Variants in CNTNAP5 observed in about 807,000 individuals in gnomAD.
CNTNAP5 encodes the protein contactin-associated protein-like 5.
A neutral mutation model predicts 150.2 loss-of-function variants in CNTNAP5; 72 were observed. That is an observed-to-expected ratio of 0.48 (90% CI 0.40 to 0.58). The LOEUF (loss-of-function observed/expected upper bound fraction) is 0.58. CNTNAP5 is among the 20% of genes least tolerant of loss of function. CNTNAP5 has a pLI of 0.00. For synonymous variants in CNTNAP5, 672 were observed against 619.8 expected (o/e 1.08, Z -1.25); for missense variants, 1,636 against 1,626.2 (o/e 1.01, Z -0.10).
Position 124,474,808 on chromosome 2 carries a change from A to G in CNTNAP5, c.988A>G (p.Ile330Val). ...TTTAAAGAAAAACTTCCATGGATGC[A>G]TCGAAAACCTTTACTACAATGGAGT... The part of the protein sequence containing the change: ...TFLKKNFHGC[I>V]ENLYYNGVNI... The change falls in exon 7 of 24, where the codon ATC becomes GTC. Residue 330 changes from isoleucine to valine, a missense_variant. By Grantham distance (29) the Ile-to-Val change is conservative. Coordinates refer to ENST00000682447, the MANE Select transcript of CNTNAP5 (RefSeq NM_001367498.1). The G allele has an allele frequency of 1.2e-6, 2 of 1,607,308 alleles. No individual in the cohort carries two copies. The highest frequency in any genetic ancestry group is 2.2e-5 in the East Asian group (1 of 44,496).
intron 3 of CNTNAP5, among the ~76,000 whole-genome samples, chr2:124,306,719 C>CTTTTTT (rs762901729): frequency 1.3e-3 from 86 of 64,288 alleles, no homozygotes; most frequent in African/African-American, 2.9e-3. Flanking sequence ...CTCTCTCTTT[C>CTTTTTT]TTTTTTTTTT....
chr2:124,392,687 CAAAAAAAAAAAAA>C (rs35107442), intron 3 of CNTNAP5, among the ~76,000 whole-genome samples: 3 of 68,796 alleles, frequency 4.4e-5, no homozygotes, highest in Admixed American at 3.7e-4. Flanking sequence ...TTTTCTTTGC[CAAAAAAAAAAAAA>C]AAAAAAAAAA....
At chr2:124,082,520 G>A (rs1682583491) in intron 1 of CNTNAP5, among the ~76,000 whole-genome samples, 2 of 151,980 alleles carry the variant, frequency 1.3e-5, no homozygotes, top group South Asian at 2.1e-4. Context: ...AGTTTTCTGT[G>A]GTGTGGATGT....
chr2:124,412,658 G>T (rs1001686819), intron 3 of CNTNAP5, among the ~76,000 whole-genome samples: 1 of 129,748 alleles, frequency 7.7e-6, no homozygotes, highest in Admixed American at 7.7e-5. Context: ...AAACGGTGCT[G>T]GGAAAACTGG....
intron 3 of CNTNAP5, among the ~76,000 whole-genome samples, chr2:124,356,164 T>A: frequency 6.6e-6 from 1 of 152,260 alleles, no homozygotes; most frequent in African/African-American, 2.4e-5. Context: ...AAAAATATGA[T>A]AAAATTATAA....
At chr2:124,600,036 T>A (rs1455858654) in intron 11 of CNTNAP5, among the ~76,000 whole-genome samples, 1 of 152,134 alleles carries the variant, frequency 6.6e-6, no homozygotes, top group Non-Finnish European at 1.5e-5. Flanking sequence ...TAAACGTGTG[T>A]GGAGTATTTG....
chr2:124,912,593 C>T (rs1678678922), intron 23 of CNTNAP5, among the ~76,000 whole-genome samples: 1 of 152,032 alleles, frequency 6.6e-6, no homozygotes, highest in Admixed American at 6.6e-5. Context: ...AATTTTTGCT[C>T]CAGAGAAGCT....
chr2:124,557,081 A>G, intron 10 of CNTNAP5, among the ~76,000 whole-genome samples: 1 of 152,074 alleles, frequency 6.6e-6, no homozygotes, highest in East Asian at 1.9e-4. Flanking sequence ...TTAGAGGACA[A>G]TTATCTTTCT....
chr2:124,161,272 G>A (rs1238060034), intron 1 of CNTNAP5, among the ~76,000 whole-genome samples: 1 of 152,192 alleles, frequency 6.6e-6, no homozygotes, highest in Non-Finnish European at 1.5e-5. Context: ...GAGTGGAGCT[G>A]AGACGAAAAC....
intron 3 of CNTNAP5, among the ~76,000 whole-genome samples, chr2:124,306,135 C>T (rs990767148): frequency 2.0e-5 from 3 of 152,148 alleles, no homozygotes; most frequent in Non-Finnish European, 4.4e-5. Flanking sequence ...AAAACAGGAA[C>T]ATGGTTAGTT....
At chr2:124,716,947 A>G (rs937238752) in intron 13 of CNTNAP5, among the ~76,000 whole-genome samples, 1 of 152,144 alleles carries the variant, frequency 6.6e-6, no homozygotes, top group Non-Finnish European at 1.5e-5. Context: ...TTCTTTGCCT[A>G]ATTTCTTCCC....
At chr2:124,553,340 C>A (rs1695674035) in intron 10 of CNTNAP5, among the ~76,000 whole-genome samples, 1 of 151,980 alleles carries the variant, frequency 6.6e-6, no homozygotes, top group Non-Finnish European at 1.5e-5. Context: ...ACAGTCTCTA[C>A]TAAAAATACA....
chr2:124,711,413 CT>C (rs1167755447), intron 13 of CNTNAP5, among the ~76,000 whole-genome samples: 1 of 152,174 alleles, frequency 6.6e-6, no homozygotes, highest in Non-Finnish European at 1.5e-5. Context: ...TTATATGCTA[CT>C]TCCATAATAG....
At position 124,576,746 on chromosome 2, in the gene CNTNAP5, A is replaced by G. The variant is rs558451500; in HGVS notation, c.1756+13423A>G. Among the ~76,000 whole-genome samples, 3 of 152,314 alleles carry G rather than the reference A, an allele frequency of 2.0e-5. No individual in the cohort carries two copies. In the East Asian group the frequency reaches 5.8e-4, roughly 29 times the overall value. ...GTGGGAAATTATTCACCTTCTCAGA[A>G]CGTTAGTTCTCTCATCTCTAAATAT... is the stretch of plus-strand genomic sequence containing the variant. On this transcript the variant is annotated intron_variant, in intron 11 of 23. Transcript: ENST00000682447.
chr2:124,289,648 A>G (rs1271314415), intron 3 of CNTNAP5, among the ~76,000 whole-genome samples: 1 of 152,214 alleles, frequency 6.6e-6, no homozygotes, highest in Non-Finnish European at 1.5e-5. Flanking sequence ...CCTTCAATGT[A>G]TATTTTTTAA....
At chr2:124,479,611 G>A (rs891589925) in intron 7 of CNTNAP5, among the ~76,000 whole-genome samples, 4 of 152,104 alleles carry the variant, frequency 2.6e-5, no homozygotes, top group Non-Finnish European at 4.4e-5. Flanking sequence ...ATGGGAATTG[G>A]AATCAGGGAA....
intron 3 of CNTNAP5, among the ~76,000 whole-genome samples, chr2:124,346,241 G>T (rs1010850125): frequency 1.3e-5 from 2 of 152,180 alleles, no homozygotes; most frequent in African/African-American, 4.8e-5. Context: ...TAACACTGCA[G>T]CACTGGAGAG....
chr2:124,917,355 A>G lies in CNTNAP5; in HGVS notation c.*3067A>G, dbSNP rs1283242636. On this transcript the variant is annotated 3_prime_UTR_variant, in exon 24 of 24. Transcript: ENST00000682447. ...CCAAACAAATCTATTTATGTAAGCA[A>G]CAGTATATTTGCTTACTCTAAAATA... 5.3e-5 allele frequency among the ~76,000 whole-genome samples: 8 copies of G among 152,270 alleles called. No individual in the cohort carries two copies. The highest frequency in any genetic ancestry group is 1.9e-4 in the African/African-American group (8 of 41,576).
At chr2:124,715,607 C>T (rs963366475) in intron 13 of CNTNAP5, among the ~76,000 whole-genome samples, 1 of 152,132 alleles carries the variant, frequency 6.6e-6, no homozygotes, top group African/African-American at 2.4e-5. Context: ...TGGTATGCTG[C>T]ACCCATTAAC....
Sources: allele counts gnomAD v4.1 joint callset (sites outside exome capture counted in the v4.1 genomes callset), GRCh38; gene constraint gnomAD v4.1.1; transcripts MANE v1.5; gene names NCBI Gene and HGNC (gene_info 2026-07-23, HGNC 2026-07-21).